CUX1: variants seen among roughly 807,000 people sequenced by gnomAD.
CUX1 encodes the protein protein CASP.
A neutral mutation model predicts 158.8 loss-of-function variants in CUX1; 31 were observed. The observed-to-expected ratio is 0.20, with a 90% CI of 0.15 to 0.26. CUX1 has a LOEUF of 0.26. Ranked by LOEUF, CUX1 falls within the 10% of genes least tolerant of loss-of-function variation. The pLI is 1.00. For missense variants in CUX1, 1,589 were observed against 2,014.6 expected, an observed-to-expected ratio of 0.79 and a Z score of 4.04; for synonymous variants, 879 against 862.1, an observed-to-expected ratio of 1.02 and a Z score of -0.34.
chr7:102,259,124 A>G (rs1790186208), downstream of CUX1, among the ~76,000 whole-genome samples: 1 of 152,214 alleles, frequency 6.6e-6, no homozygotes, highest in Non-Finnish European at 1.5e-5. Context: ...TCCCAATTCA[A>G]CTGGATTCAA....
intron 20 of CUX1, among the ~76,000 whole-genome samples, chr7:102,219,013 A>G (rs1423597793): frequency 6.8e-6 from 1 of 148,098 alleles, no homozygotes; most frequent in Non-Finnish European, 1.5e-5. Flanking sequence ...AGATTGCACC[A>G]TTACACTCCA....
intron 3 of CUX1, among the ~76,000 whole-genome samples, chr7:102,028,913 T>A (rs1306289176): frequency 6.6e-6 from 1 of 151,408 alleles, no homozygotes; most frequent in Non-Finnish European, 1.5e-5. Flanking sequence ...AGTGGAATCA[T>A]AGCAGGCTGA....
intron 2 of CUX1, among the ~76,000 whole-genome samples, chr7:101,937,483 G>T (rs1229637424): frequency 6.6e-6 from 1 of 152,074 alleles, no homozygotes; most frequent in African/African-American, 2.4e-5. Context: ...TCAGAATGAG[G>T]GAAAAGGGAT....
At chr7:101,971,961 T>A (rs1190420387) in intron 2 of CUX1, among the ~76,000 whole-genome samples, 1 of 152,208 alleles carries the variant, frequency 6.6e-6, no homozygotes, top group African/African-American at 2.4e-5. Context: ...GATACTGATT[T>A]ATTTTTATTT....
At chr7:101,939,759 T>C (rs756614640) in intron 2 of CUX1, among the ~76,000 whole-genome samples, 8 of 151,136 alleles carry the variant, frequency 5.3e-5, no homozygotes, top group Non-Finnish European at 1.2e-4. Flanking sequence ...CCTGGGAGTT[T>C]GAGACCAGCT....
Position 102,167,703 on chromosome 7 carries a change from CA to C in CUX1, c.724-2742del, listed in dbSNP as rs1298423143. On this transcript the variant is annotated intron_variant, in intron 9 of 23. Transcript: ENST00000292535. ...AAGCTCTTCAGTGATTTGACGTGAT[CA>C]TCAGAAACACTTGGCATGACACATC... is the stretch of plus-strand genomic sequence containing the variant. 2.6e-5 allele frequency among the ~76,000 whole-genome samples: 4 copies of C among 152,326 alleles called. No individual in the cohort carries two copies. In the East Asian group the frequency reaches 7.7e-4, roughly 29 times the overall value.
In CUX1 at chr7:101,964,544, A is replaced by C. The variant is rs190320937; in HGVS notation, c.141+48319A>C. Among the ~76,000 whole-genome samples the C allele has an allele frequency of 3.3e-5, 5 of 152,224 alleles. No individual in the cohort carries two copies. In the East Asian group the frequency reaches 7.7e-4, roughly 24 times the overall value. On this transcript the variant is annotated intron_variant, in intron 2 of 23. Coordinates refer to ENST00000292535, the MANE Select transcript of CUX1 (RefSeq NM_181552.4). Reference sequence around the variant, plus strand: ...AGGAAGCTAGCTTTGCTTTATTTCAAGTTTCTCATTCTTTTTTGCCGTCAT... The same window carrying C: ...AGGAAGCTAGCTTTGCTTTATTTCACGTTTCTCATTCTTTTTTGCCGTCAT...
chr7:102,282,504 C>T (rs1345233663), intron 21 of CUX1, among the ~76,000 whole-genome samples: 1 of 152,156 alleles, frequency 6.6e-6, no homozygotes, highest in Non-Finnish European at 1.5e-5. Flanking sequence ...CAAGGGTTGG[C>T]CCACAGTATT....
rs151321566 is a variant in CUX1, at chr7:102,069,792, A to G, written c.190-547A>G. Among the ~76,000 whole-genome samples the G allele has an allele frequency of 5.9e-5, 9 of 152,282 alleles. No individual in the cohort carries two copies. In the East Asian group the frequency reaches 1.5e-3, roughly 26 times the overall value. ...GAAATTCTTTGCTCCTGGGATTTGAATGTGTTCGTCCGTTTACATGCAGCA... is the reference window on the plus strand; with the variant it reads ...GAAATTCTTTGCTCCTGGGATTTGAGTGTGTTCGTCCGTTTACATGCAGCA... On this transcript the variant is annotated intron_variant, in intron 3 of 23. Transcript: ENST00000292535.
At chr7:101,836,055 T>C (rs989674307) in intron 1 of CUX1, among the ~76,000 whole-genome samples, 2 of 152,204 alleles carry the variant, frequency 1.3e-5, no homozygotes, top group Admixed American at 1.3e-4. Flanking sequence ...AATGTACGAT[T>C]AAATTATGAT....
At chr7:101,952,273 C>G (rs1809163532) in intron 2 of CUX1, among the ~76,000 whole-genome samples, 1 of 152,182 alleles carries the variant, frequency 6.6e-6, no homozygotes, top group African/African-American at 2.4e-5. Context: ...GTATTCCCAG[C>G]TACTCAGTAG....
chr7:102,030,356 C>T (rs1820584454), intron 3 of CUX1, among the ~76,000 whole-genome samples: 1 of 152,074 alleles, frequency 6.6e-6, no homozygotes, highest in Admixed American at 6.6e-5. Flanking sequence ...TAACATTTCA[C>T]CCCATGTACC....
At chr7:102,119,979 G>A (rs557851192) in intron 8 of CUX1, among the ~76,000 whole-genome samples, 11 of 152,316 alleles carry the variant, frequency 7.2e-5, no homozygotes, top group South Asian at 4.1e-4. Flanking sequence ...GCAAAGGAAC[G>A]TGCTGTGGAT....
chr7:102,215,693 C>G (rs916335560), intron 20 of CUX1, among the ~76,000 whole-genome samples: 1 of 152,078 alleles, frequency 6.6e-6, no homozygotes, highest in Non-Finnish European at 1.5e-5. Flanking sequence ...TTGGTTCTGC[C>G]CGGGTCTTTG....
intron 11 of CUX1, among the ~76,000 whole-genome samples, chr7:102,189,193 T>C (rs1354060574): frequency 1.3e-5 from 2 of 152,150 alleles, no homozygotes; most frequent in Non-Finnish European, 2.9e-5. Flanking sequence ...ACCAGCTGTA[T>C]GAGTCCCTCA....
intron 5 of CUX1, among the ~76,000 whole-genome samples, chr7:102,099,451 G>A (rs1214283129): frequency 1.3e-5 from 2 of 149,862 alleles, no homozygotes; most frequent in South Asian, 2.1e-4. Context: ...TCATAGATAC[G>A]CTACCCTAAA....
intron 2 of CUX1, among the ~76,000 whole-genome samples, chr7:102,026,368 T>C (rs1315487352): frequency 6.6e-6 from 1 of 152,186 alleles, no homozygotes; most frequent in Non-Finnish European, 1.5e-5. Context: ...TATTTAAATA[T>C]AAATAAGCAC....
At chr7:101,924,268 T>C (rs1367421233) in intron 2 of CUX1, among the ~76,000 whole-genome samples, 1 of 152,090 alleles carries the variant, frequency 6.6e-6, no homozygotes, top group Admixed American at 6.6e-5. Context: ...GGTAGTAATA[T>C]ATAGTTGTGG....
At chr7:101,853,586 T>G (rs28575413) in intron 1 of CUX1, among the ~76,000 whole-genome samples, 3,130 of 57,240 alleles carry the variant, frequency 0.055, 87 homozygotes, top group African/African-American at 0.15. Context: ...ATAGAAAGGG[T>G]GTGTGTGTGT....
Sources: gnomAD v4.1 joint callset for allele counts (sites outside exome capture counted in the v4.1 genomes callset) on GRCh38, gnomAD v4.1.1 for gene constraint, MANE v1.5 for transcripts, NCBI Gene and HGNC (gene_info 2026-07-23, HGNC 2026-07-21) for gene names.